The following PEG3 variants were observed in gnomAD, a reference collection of about 807,000 sequenced individuals.
The protein encoded by PEG3 is paternally-expressed gene 3 protein.
Under a neutral mutation model 35.5 loss-of-function variants are expected in PEG3, and 23 were observed. The observed-to-expected ratio is 0.65, with a 90% confidence interval of 0.47 to 0.92. PEG3 has a LOEUF of 0.92. Ranked by LOEUF, PEG3 falls within the 40% of genes least tolerant of loss-of-function variation. The pLI, the probability that PEG3 is intolerant of heterozygous loss-of-function variation, is 0.00. For missense variants in PEG3, 1,960 were observed against 1,985.3 expected, an observed-to-expected ratio of 0.99 and a Z score of 0.24; for synonymous variants, 707 against 697.0, an observed-to-expected ratio of 1.01 and a Z score of -0.23.
chr19:56,815,622 T>G lies in PEG3; in HGVS notation c.2820A>C (p.Lys940Asn). ...REYQKARAKK[K>N]YIEHRSNETS... ...TCTCATTGCTCCTATGCTCAATGTA[T>G]TTCTTTTTAGCACGAGCCTTCTGGT... Residue 940 changes from lysine to asparagine, a missense_variant, in exon 10 of 10, where the codon AAA becomes AAC. Physicochemically the swap from Lys to Asn is moderately conservative, Grantham distance 94. Transcript: ENST00000326441. The G allele has an allele frequency of 6.2e-7, 1 of 1,614,204 alleles. No individual in the cohort carries two copies.
Position 56,813,528 on chromosome 19 carries a change from C to T in PEG3, c.*147G>A. 2 of 1,439,186 alleles carry T rather than the reference C, an allele frequency of 1.4e-6. No individual in the cohort carries two copies. The highest frequency in any genetic ancestry group is 1.8e-6 in the Non-Finnish European group (2 of 1,094,552). 89.2% of individuals were successfully genotyped at this position (1,439,186 alleles called of 1,614,324 possible). ...GGAATCTGCACATTCGGTCTCTTTT[C>T]AATCTGAGTTTAGAGATGTTAAGTC... On this transcript the variant is annotated 3_prime_UTR_variant, in exon 10 of 10. Coordinates refer to ENST00000326441, the MANE Select transcript of PEG3 (RefSeq NM_006210.3).
At chr19:56,821,570 A>T in intron 7 of PEG3, 81 bp downstream of exon 7, 1 of 1,558,602 alleles carries the variant, frequency 6.4e-7, no homozygotes, top group Non-Finnish European at 8.8e-7. Flanking sequence ...GGGCAGATAA[A>T]CACACCATCT....
At chr19:56,831,058 T>C (rs913951102) in intron 2 of PEG3, among the ~76,000 whole-genome samples, 3 of 152,192 alleles carry the variant, frequency 2.0e-5, no homozygotes, top group African/African-American at 4.8e-5. Context: ...GGTGGGGAGT[T>C]TTGACAAACT....
Position 56,824,690 on chromosome 19 carries a change from C to T in PEG3, c.-35G>A, listed in dbSNP as rs199858418. 1.3e-6 allele frequency: 2 copies of T among 1,567,850 alleles called. No homozygotes were observed. Among genetic ancestry groups the T allele is most frequent in the Non-Finnish European group, 1.7e-6 (2 of 1,154,914 alleles). ...TAAAATTTTCACTGGAGGAACCAAACATGAGTCAACAGGAAAGACGCGGCA... is the reference window on the plus strand; with the variant it reads ...TAAAATTTTCACTGGAGGAACCAAATATGAGTCAACAGGAAAGACGCGGCA... On this transcript the variant is annotated 5_prime_UTR_variant, in exon 4 of 10. The change abolishes an upstream ATG in the 5' untranslated region. Coordinates refer to ENST00000326441, the MANE Select transcript of PEG3 (RefSeq NM_006210.3).
At chr19:56,822,937 TC>T in intron 5 of PEG3, 101 bp from the exon 6 acceptor site, 2 of 1,473,356 alleles carry the variant, frequency 1.4e-6, no homozygotes, top group Non-Finnish European at 1.8e-6. Flanking sequence ...GCTACCCTCT[TC>T]CCACAAGGAG....
chr19:56,810,837 ATTTAC>A lies in PEG3; in HGVS notation c.*2833_*2837del, dbSNP rs570232941. The A allele has an allele frequency of 2.4e-3, 2,354 of 968,334 alleles. 3 individuals carry two copies. Among genetic ancestry groups the A allele is most frequent in the African/African-American group, 0.01 (598 of 56,972 alleles). 60.0% of individuals were successfully genotyped at this position (968,334 alleles called of 1,614,324 possible). A position where few individuals can be genotyped will look rare whatever the true frequency, so the allele number is the denominator to read the frequency against. ...GGAATATAGGTAATTTTTTAAAATA[ATTTAC>A]TTTATTTTCTAATTTTTCCTCTGGG... is the stretch of plus-strand genomic sequence containing the variant. On this transcript the variant is annotated 3_prime_UTR_variant, in exon 10 of 10. Coordinates refer to ENST00000326441, the MANE Select transcript of PEG3 (RefSeq NM_006210.3).
At position 56,824,776 on chromosome 19, in the gene PEG3, A is replaced by G. The variant is rs534311550; in HGVS notation, c.-86-35T>C. 4.5e-5 allele frequency: 44 copies of G among 970,240 alleles called. No homozygotes were observed. In the East Asian group the frequency reaches 1.0e-3, roughly 23 times the overall value. 60.1% of individuals were successfully genotyped at this position (970,240 alleles called of 1,614,324 possible). ...GTAAGGAGATATACACATGTCCCAG[A>G]AGTTGAAGACCAGGCAGCAGTGGAG... On this transcript the variant is annotated intron_variant, in intron 3 of 9. Coordinates refer to ENST00000326441, the MANE Select transcript of PEG3 (RefSeq NM_006210.3).
At chr19:56,835,893 G>C in intron 2 of PEG3, 125 bp downstream of exon 2, 1 of 393,054 alleles carries the variant, frequency 2.5e-6, no homozygotes, top group East Asian at 7.5e-5. Flanking sequence ...GGTGTTCTCA[G>C]AGGGCACAAA....
chr19:56,823,749 G>A (rs564297166), intron 4 of PEG3, 70 bp from the exon 5 acceptor site: 10 of 1,539,264 alleles, frequency 6.5e-6, no homozygotes, highest in African/African-American at 2.7e-5. Context: ...CCCAATCCCT[G>A]AGCCGCATCT....
In PEG3 at chr19:56,817,692, T is replaced by C; in HGVS notation, c.862+54A>G. 3 of 1,563,542 alleles carry C rather than the reference T, an allele frequency of 1.9e-6. No individual in the cohort carries two copies. In the South Asian group the frequency reaches 3.3e-5, roughly 17 times the overall value. On this transcript the variant is annotated intron_variant, in intron 9 of 9. Transcript: ENST00000326441. ...AGGAATGCAAAGTGTAGAAGTTCCT[T>C]GATAGCATCTCACTGGTTGTGTGGC...
At chr19:56,839,451 T>C (rs973198158) in intron 1 of PEG3, among the ~76,000 whole-genome samples, 3 of 145,852 alleles carry the variant, frequency 2.1e-5, no homozygotes, top group African/African-American at 7.8e-5. Context: ...TCACATCTAA[T>C]GCTACCCAGT....
intron 1 of PEG3, among the ~76,000 whole-genome samples, chr19:56,839,474 GC>G (rs1315353486): frequency 8.0e-5 from 12 of 150,764 alleles, no homozygotes; most frequent in Non-Finnish European, 1.3e-4. Flanking sequence ...CTTCAGCCTT[GC>G]CCCGCCCCAT....
At chr19:56,831,284 T>G (rs1206066180) in intron 2 of PEG3, among the ~76,000 whole-genome samples, 1 of 152,138 alleles carries the variant, frequency 6.6e-6, no homozygotes, top group African/African-American at 2.4e-5. Context: ...TATAGACACA[T>G]GGGGACTTAA....
At chr19:56,839,385 A>C (rs2062679315) in intron 1 of PEG3, among the ~76,000 whole-genome samples, 1 of 150,864 alleles carries the variant, frequency 6.6e-6, no homozygotes, top group African/African-American at 2.5e-5. Flanking sequence ...TGCACAGCAA[A>C]CCTCAGCAGC....
At chr19:56,833,226 T>C (rs951620568) in intron 2 of PEG3, 2 of 503,374 alleles carry the variant, frequency 4.0e-6, no homozygotes, top group East Asian at 5.6e-5. Context: ...CCCATTTCTA[T>C]TTACTTACTT....
In PEG3 at chr19:56,811,821, T is replaced by C; in HGVS notation, c.*1854A>G. 1.0e-6 allele frequency: 1 copy of C among 985,600 alleles called. No homozygotes were observed. The highest frequency in any genetic ancestry group is 1.2e-6 in the Non-Finnish European group (1 of 830,052). The allele number at this position is 985,600 out of a possible 1,614,324, so 61.1% of individuals were successfully genotyped here. On this transcript the variant is annotated 3_prime_UTR_variant, in exon 10 of 10. Transcript: ENST00000326441. ...AAACTGCTCAGGACACCCCGCTCAA[T>C]TCATTCTCAGAAACCTGGCCTTCTA...
chr19:56,825,663 T>C (rs755227699), intron 3 of PEG3, among the ~76,000 whole-genome samples: 6 of 152,174 alleles, frequency 3.9e-5, no homozygotes, highest in Non-Finnish European at 8.8e-5. Context: ...GGTCAGCACA[T>C]CTGGTGCAAC....
rs368135363 is a variant in PEG3 at position 56,817,258 on chromosome 19, T to C, written c.1184A>G (p.His395Arg). The C allele has an allele frequency of 6.2e-7, 1 of 1,614,186 alleles. No homozygotes were observed. The highest frequency in any genetic ancestry group is 8.5e-7 in the Non-Finnish European group (1 of 1,180,022). The change falls in exon 10 of 10, where the codon CAT becomes CGT. Residue 395 changes from histidine (H) to arginine (R), a missense_variant. His to Arg is a conservative substitution (Grantham distance 29, BLOSUM62 0). This residue lies in a region of PEG3 where 613 missense variants were observed against 577.1 expected (regional missense o/e 1.06). Transcript: ENST00000326441. The part of the protein sequence containing the change: ...KRVLERKRRY[H>R]FDTDGKGSIH... ...CGAGCCCTTCCCATCTGTGTCAAAATGATAGCGCCTCTTTCTTTCAAGAAC... is the reference window on the plus strand; with the variant it reads ...CGAGCCCTTCCCATCTGTGTCAAAACGATAGCGCCTCTTTCTTTCAAGAAC...
chr19:56,829,469 G>A (rs1317766219), intron 2 of PEG3, among the ~76,000 whole-genome samples: 2 of 152,184 alleles, frequency 1.3e-5, no homozygotes, highest in Admixed American at 6.5e-5. Flanking sequence ...TTTACACATG[G>A]AATGGTGGGA....
Sources: gnomAD v4.1 joint callset for allele counts (sites outside exome capture counted in the v4.1 genomes callset) on GRCh38, gnomAD v4.1.1 for gene constraint, gnomAD v4.1.1 regional missense constraint, MANE v1.5 for transcripts, NCBI Gene and HGNC (gene_info 2026-07-23, HGNC 2026-07-21) for gene names.